Variants in TNKS observed in about 807,000 individuals in gnomAD.
TNKS encodes the protein tankyrase.
TNKS carries 72 observed loss-of-function variants against 135.8 expected under a neutral mutation model. The observed-to-expected ratio is 0.53, with a 90% confidence interval of 0.44 to 0.64. The LOEUF (loss-of-function observed/expected upper bound fraction) is 0.64. TNKS is among the 30% of genes least tolerant of loss of function. The pLI, the probability that TNKS is intolerant of heterozygous loss-of-function variation, is 0.00. For missense variants in TNKS, 1,769 were observed against 1,674.0 expected (o/e 1.06, Z -0.99); for synonymous variants, 849 against 649.3 (o/e 1.31, Z -4.68).
Position 9,720,385 on chromosome 8 carries a change from G to A in TNKS, c.1761G>A (p.Leu587=), listed in dbSNP as rs137883371. Residue 587 remains leucine (L), a synonymous_variant, in exon 12 of 27, where the codon CTG becomes CTA. Coordinates refer to ENST00000310430, the MANE Select transcript of TNKS (RefSeq NM_003747.3). ...LHKHGAKMNA[L]DTLGQTALHR... ...CAATGATTTTTCAGATGAATGCACT[G>A]GACACCCTTGGTCAGACTGCTTTGC... is the stretch of plus-strand genomic sequence containing the variant. The A allele has an allele frequency of 3.1e-6, 5 of 1,607,962 alleles. No homozygotes were observed. The highest frequency in any genetic ancestry group is 4.2e-6 in the Non-Finnish European group (5 of 1,177,612).
chr8:9,709,829 CAT>C, intron 9 of TNKS, 124 bp from the exon 10 acceptor site: 1 of 696,438 alleles, frequency 1.4e-6, no homozygotes, highest in Non-Finnish European at 2.4e-6. Flanking sequence ...TGATATAAAA[CAT>C]ATACATATGT....
At chr8:9,700,931 GC>G (rs1181771182) in intron 5 of TNKS, among the ~76,000 whole-genome samples, 3 of 73,886 alleles carry the variant, frequency 4.1e-5, no homozygotes, top group Admixed American at 3.3e-4. Flanking sequence ...CTTATGTTTT[GC>G]CCCCTTTTTT....
Position 9,640,687 on chromosome 8 carries a change from T to G in TNKS, c.994+25010T>G, listed in dbSNP as rs900838840. Among the ~76,000 whole-genome samples the G allele has an allele frequency of 2.7e-5, 4 of 146,080 alleles. 1 individual carries two copies. In the East Asian group the frequency reaches 8.4e-4, roughly 31 times the overall value. ...TCCTTTTGAGAAAGAAAATAGCACC[T>G]AATGTAGGAGCTGGCCTGACATAGC... On this transcript the variant is annotated intron_variant, in intron 3 of 26. Coordinates refer to ENST00000310430, the MANE Select transcript of TNKS (RefSeq NM_003747.3).
intron 23 of TNKS, among the ~76,000 whole-genome samples, 195 bp downstream of exon 23, chr8:9,764,985 G>A (rs1807348760): frequency 6.6e-6 from 1 of 152,134 alleles, no homozygotes; most frequent in Non-Finnish European, 1.5e-5. Flanking sequence ...TAAAAATAGA[G>A]ACATTCTGAA....
intron 3 of TNKS, among the ~76,000 whole-genome samples, chr8:9,619,878 T>C (rs1423057030): frequency 2.0e-5 from 3 of 151,526 alleles, no homozygotes; most frequent in Non-Finnish European, 2.9e-5. Flanking sequence ...ACTTAAATGC[T>C]CTGTACCCTG....
At chr8:9,744,736 A>G (rs1446827787) in intron 17 of TNKS, among the ~76,000 whole-genome samples, 2 of 152,166 alleles carry the variant, frequency 1.3e-5, no homozygotes, top group Non-Finnish European at 2.9e-5. Flanking sequence ...TTTTGCCTCA[A>G]TGGTGTAGCT....
At position 9,568,078 on chromosome 8, in the gene TNKS, C is replaced by G. The variant is rs144938823; in HGVS notation, c.673+11466C>G. 3.7e-3 allele frequency among the ~76,000 whole-genome samples: 569 copies of G among 152,298 alleles called. 4 individuals carry two copies. Among genetic ancestry groups the G allele is most frequent in the Middle Eastern group, 0.024 (7 of 294 alleles). ...TCTCTGCAGTTATGTTGAGGATACT[C>G]TTTTCATCTTATCTGTTGATTCACA... On this transcript the variant is annotated intron_variant, in intron 1 of 26. Transcript: ENST00000310430.
At chr8:9,562,792 A>G (rs969661256) in intron 1 of TNKS, among the ~76,000 whole-genome samples, 6 of 151,384 alleles carry the variant, frequency 4.0e-5, no homozygotes, top group African/African-American at 1.5e-4. Flanking sequence ...GTCTGATGAG[A>G]ATGGGAATTT....
chr8:9,723,960 T>A (rs1403306003), intron 12 of TNKS, among the ~76,000 whole-genome samples: 2 of 152,204 alleles, frequency 1.3e-5, no homozygotes, highest in Admixed American at 6.5e-5. Context: ...CAGTGGCACA[T>A]TGAAATAAGC....
chr8:9,679,833 C>T (rs886522251), intron 3 of TNKS, 118 bp from the exon 4 acceptor site: 6 of 771,200 alleles, frequency 7.8e-6, no homozygotes, highest in Non-Finnish European at 8.6e-6. Context: ...CATCACCCAG[C>T]GGGGTGTGGA....
intron 5 of TNKS, among the ~76,000 whole-genome samples, chr8:9,682,252 C>A (rs973209289): frequency 3.9e-5 from 6 of 152,090 alleles, no homozygotes; most frequent in African/African-American, 1.4e-4. Flanking sequence ...CGTCACTTTT[C>A]TATAACTGTT....
chr8:9,777,238 CCTT>C lies in TNKS; in HGVS notation c.*506_*508del. 6.4e-6 allele frequency: 1 copy of C among 156,172 alleles called. No individual in the cohort carries two copies. Among genetic ancestry groups the C allele is most frequent in the Admixed American group, 6.2e-5 (1 of 16,194 alleles). The allele number at this position is 156,172 out of a possible 1,614,324, so 9.7% of individuals were successfully genotyped here. ...GGGTTACTTTGAAAATGAGCCAGAGCCTTCTTGAGGATATTTTGCACAAAGTCA... is the reference window on the plus strand; with the variant it reads ...GGGTTACTTTGAAAATGAGCCAGAGCCTTGAGGATATTTTGCACAAAGTCA... On this transcript the variant is annotated 3_prime_UTR_variant, in exon 27 of 27. Transcript: ENST00000310430.
At chr8:9,673,441 GA>G (rs377062307) in intron 3 of TNKS, among the ~76,000 whole-genome samples, 1 of 143,774 alleles carries the variant, frequency 7.0e-6, no homozygotes, top group African/African-American at 2.5e-5. Context: ...TTACCTTTTG[GA>G]TTTTTTTTTT....
intron 2 of TNKS, among the ~76,000 whole-genome samples, chr8:9,595,542 A>G (rs1798749965): frequency 6.6e-6 from 1 of 151,480 alleles, no homozygotes; most frequent in Non-Finnish European, 1.5e-5. Flanking sequence ...ATAGTGGTAG[A>G]TATACACATA....
chr8:9,753,341 C>T (rs867553128), intron 20 of TNKS, among the ~76,000 whole-genome samples: 26 of 152,250 alleles, frequency 1.7e-4, no homozygotes, highest in African/African-American at 6.3e-4. Context: ...GACAACTGCA[C>T]TTTTAAAAAA....
At chr8:9,560,013 C>T (rs1245325089) in intron 1 of TNKS, among the ~76,000 whole-genome samples, 5 of 152,120 alleles carry the variant, frequency 3.3e-5, no homozygotes, top group Non-Finnish European at 1.5e-5. Flanking sequence ...TTATTGTTGA[C>T]TAGAATTTAT....
intron 3 of TNKS, among the ~76,000 whole-genome samples, chr8:9,677,081 G>T (rs944226872): frequency 1.1e-4 from 17 of 152,270 alleles, no homozygotes; most frequent in Middle Eastern, 3.4e-3. Context: ...AGTGTGAGGG[G>T]CTCTAAATTC....
At chr8:9,567,632 T>C (rs989018644) in intron 1 of TNKS, among the ~76,000 whole-genome samples, 1 of 152,220 alleles carries the variant, frequency 6.6e-6, no homozygotes, top group African/African-American at 2.4e-5. Context: ...TTAGCGAGGA[T>C]GGTCTCGTTC....
intron 2 of TNKS, among the ~76,000 whole-genome samples, chr8:9,587,486 G>T (rs1798428764): frequency 6.6e-6 from 1 of 151,738 alleles, no homozygotes; most frequent in Admixed American, 6.6e-5. Context: ...TGTAAGCTCG[G>T]CCTCCTGGGT....
Sources: gnomAD v4.1 joint callset for allele counts (sites outside exome capture counted in the v4.1 genomes callset) on GRCh38, gnomAD v4.1.1 for gene constraint, MANE v1.5 for transcripts, NCBI Gene and HGNC (gene_info 2026-07-23, HGNC 2026-07-21) for gene names.